The following NOL4 variants were observed in gnomAD, a reference collection of about 807,000 sequenced individuals.
NOL4 encodes nucleolar protein 4, also known as cancer/testis antigen 125.
A neutral mutation model predicts 75.9 loss-of-function variants in NOL4; 17 were observed. The ratio of observed to expected loss-of-function variants is 0.22; its 90% confidence interval spans 0.15 to 0.34. The LOEUF (loss-of-function observed/expected upper bound fraction) is 0.34. Among genes scored for constraint, NOL4 ranks in the 10% least tolerant of loss-of-function variants. NOL4 has a pLI of 1.00. For missense variants in NOL4, 614 were observed against 793.5 expected, an observed-to-expected ratio of 0.77 and a Z score of 2.72; for synonymous variants, 292 against 289.9, an observed-to-expected ratio of 1.01 and a Z score of -0.07.
chr18:33,907,278 G>A lies in NOL4; in HGVS notation c.1543-23854C>T, dbSNP rs544977462. On this transcript the variant is annotated intron_variant, in intron 9 of 10. Coordinates refer to ENST00000261592, the MANE Select transcript of NOL4 (RefSeq NM_003787.5). ...GTGGAGCTTGCAGTGAGCTGAGATCGCCTCCACTGCACTCCAGCCTGGGCG... is the reference window on the plus strand; with the variant it reads ...GTGGAGCTTGCAGTGAGCTGAGATCACCTCCACTGCACTCCAGCCTGGGCG... Among the ~76,000 whole-genome samples, 19 of 136,926 alleles carry A rather than the reference G, an allele frequency of 1.4e-4. No homozygotes were observed. The South Asian group carries it at 3.4e-3, about 24-fold the overall frequency. The allele number at this position is 136,926 out of a possible 152,430, so 89.8% of individuals were successfully genotyped here. A position where few individuals can be genotyped will look rare whatever the true frequency, so the allele number is the denominator to read the frequency against.
intron 9 of NOL4, among the ~76,000 whole-genome samples, chr18:33,907,272 G>A (rs2066109499): frequency 7.1e-6 from 1 of 140,854 alleles, no homozygotes; most frequent in Non-Finnish European, 1.5e-5. Context: ...GCAGTGAGCT[G>A]AGATCGCCTC....
chr18:33,909,036 T>C (rs1284696997), intron 9 of NOL4, among the ~76,000 whole-genome samples: 2 of 152,156 alleles, frequency 1.3e-5, no homozygotes, highest in Non-Finnish European at 2.9e-5. Flanking sequence ...ATAAAATTTA[T>C]AATTTTATTT....
At chr18:33,861,075 G>C (rs1430808264) in intron 10 of NOL4, among the ~76,000 whole-genome samples, 1 of 152,170 alleles carries the variant, frequency 6.6e-6, no homozygotes, top group African/African-American at 2.4e-5. Flanking sequence ...TGTTCATCAA[G>C]GATATTGGTC....
At chr18:34,033,391 T>C (rs1437246585) in intron 5 of NOL4, among the ~76,000 whole-genome samples, 1 of 151,920 alleles carries the variant, frequency 6.6e-6, no homozygotes, top group African/African-American at 2.4e-5. Flanking sequence ...TGAATAATTA[T>C]TTGAATAAAG....
chr18:33,886,986 T>TAG (rs1373376455), intron 9 of NOL4, among the ~76,000 whole-genome samples: 1 of 140,146 alleles, frequency 7.1e-6, no homozygotes, highest in Non-Finnish European at 1.5e-5. Context: ...CATATATATC[T>TAG]ATATATCTAG....
At chr18:33,934,513 T>G (rs2145454598) in intron 9 of NOL4, among the ~76,000 whole-genome samples, 1 of 152,288 alleles carries the variant, frequency 6.6e-6, no homozygotes, top group East Asian at 1.9e-4. Flanking sequence ...ATTGTTTTAG[T>G]GTACCCACTT....
At chr18:34,117,608 C>T (rs1476422649) in intron 2 of NOL4, among the ~76,000 whole-genome samples, 2 of 152,028 alleles carry the variant, frequency 1.3e-5, no homozygotes, top group African/African-American at 4.8e-5. Flanking sequence ...CACAGAGCTC[C>T]GCCTGGAAAA....
intron 6 of NOL4, among the ~76,000 whole-genome samples, chr18:34,014,230 A>G (rs919814183): frequency 6.6e-6 from 1 of 151,958 alleles, no homozygotes; most frequent in Non-Finnish European, 1.5e-5. Flanking sequence ...ATTAATTGAA[A>G]AAAGTTACAT....
chr18:34,176,830 G>A (rs572733776), intron 1 of NOL4, among the ~76,000 whole-genome samples: 31 of 152,194 alleles, frequency 2.0e-4, no homozygotes, highest in Non-Finnish European at 4.1e-4. Context: ...GCCACCAAGT[G>A]TATGGTATTT....
chr18:34,110,163 A>T (rs1022205083), intron 2 of NOL4, among the ~76,000 whole-genome samples: 11 of 81,396 alleles, frequency 1.4e-4, no homozygotes, highest in East Asian at 7.3e-4. Flanking sequence ...AAAAAAAAAA[A>T]TACTGGGTAG....
At chr18:33,911,077 T>G (rs116012324) in intron 9 of NOL4, among the ~76,000 whole-genome samples, 2,143 of 152,210 alleles carry the variant, frequency 0.014, 50 homozygotes, top group African/African-American at 0.048. Flanking sequence ...TGATTTTTAG[T>G]GTTTGGGACA....
chr18:34,170,466 G>T (rs200473438), intron 1 of NOL4, among the ~76,000 whole-genome samples: 1 of 151,948 alleles, frequency 6.6e-6, no homozygotes, highest in Non-Finnish European at 1.5e-5. Flanking sequence ...TGCTGGGATT[G>T]CAGGTGTGAG....
chr18:34,042,591 T>C (rs145249184), intron 5 of NOL4, among the ~76,000 whole-genome samples: 251 of 152,176 alleles, frequency 1.6e-3, no homozygotes, highest in African/African-American at 5.8e-3. Flanking sequence ...AAAAGAAATG[T>C]GACCAGTAAT....
At chr18:33,883,038 A>T (rs1204108314) in intron 10 of NOL4, among the ~76,000 whole-genome samples, 1 of 151,946 alleles carries the variant, frequency 6.6e-6, no homozygotes, top group Non-Finnish European at 1.5e-5. Context: ...GGGGAATATC[A>T]CACTCTGGGG....
At chr18:34,042,137 T>C (rs968548132) in intron 5 of NOL4, among the ~76,000 whole-genome samples, 7 of 152,020 alleles carry the variant, frequency 4.6e-5, no homozygotes, top group African/African-American at 1.2e-4. Flanking sequence ...ATTGACCTCA[T>C]TGACTCTTTT....
chr18:33,927,482 AG>A (rs2067410373), intron 9 of NOL4, among the ~76,000 whole-genome samples: 2 of 152,162 alleles, frequency 1.3e-5, no homozygotes, highest in Non-Finnish European at 1.5e-5. Flanking sequence ...GAACAAGTAC[AG>A]CCTGTCCTGC....
chr18:34,157,604 G>A (rs572777920), intron 1 of NOL4, among the ~76,000 whole-genome samples: 2 of 150,732 alleles, frequency 1.3e-5, no homozygotes, highest in Non-Finnish European at 3.0e-5. Flanking sequence ...AAAAGGCCCA[G>A]GAAAATATGC....
At chr18:34,217,608 C>A (rs2036994779) in intron 1 of NOL4, among the ~76,000 whole-genome samples, 1 of 152,086 alleles carries the variant, frequency 6.6e-6, no homozygotes, top group Non-Finnish European at 1.5e-5. Context: ...CTCCGTGTTG[C>A]AATGTGATTT....
chr18:33,918,834 T>C (rs892149300), intron 9 of NOL4, among the ~76,000 whole-genome samples: 1 of 152,068 alleles, frequency 6.6e-6, no homozygotes, highest in Non-Finnish European at 1.5e-5. Flanking sequence ...CAATAGGAAG[T>C]TATGAAGACA....
Sources: gnomAD v4.1 joint callset for allele counts (sites outside exome capture counted in the v4.1 genomes callset) on GRCh38, gnomAD v4.1.1 for gene constraint, MANE v1.5 for transcripts, NCBI Gene and HGNC (gene_info 2026-07-23, HGNC 2026-07-21) for gene names.